KIR3DL2: variants seen among roughly 807,000 people sequenced by gnomAD.
KIR3DL2 encodes the protein killer cell immunoglobulin-like receptor 3DL2.
In KIR3DL2, 42 loss-of-function variants were observed where a neutral mutation model predicts 41.6. The ratio of observed to expected loss-of-function variants is 1.01; its 90% CI spans 0.79 to 1.31. The LOEUF (loss-of-function observed/expected upper bound fraction) is 1.31. Among genes scored for constraint, KIR3DL2 ranks in the 50% most tolerant of loss-of-function variants. The pLI is 0.00. For synonymous variants in KIR3DL2, 230 were observed against 221.3 expected (o/e 1.04, Z -0.35); for missense variants, 728 against 576.8 (o/e 1.26, Z -2.68).
chr19:54,851,877 C>A lies in KIR3DL2; in HGVS notation c.71-121C>A, dbSNP rs2064273742. ...TATGTGGGGTGGGTCCTTCCTGTAG[C>A]CCTGGGCACCCAGGTGTGGTAGGAG... On this transcript the variant is annotated intron_variant, in intron 2 of 8. Transcript: ENST00000326321. 3 of 1,252,414 alleles carry A rather than the reference C, an allele frequency of 2.4e-6. No homozygotes were observed. The African/African-American group carries it at 4.6e-5, about 19-fold the overall frequency. The allele number at this position is 1,252,414 out of a possible 1,614,324, so 77.6% of individuals were successfully genotyped here. A position where few individuals can be genotyped will look rare whatever the true frequency, so the allele number is the denominator to read the frequency against.
In KIR3DL2 at chr19:54,866,574, G is replaced by A. The variant is rs376823830; in HGVS notation, c.1211G>A (p.Cys404Tyr). ...QEVTYAQLDH[C>Y]VFIQRKISRP... is the part of the protein sequence containing the mutation. Reference sequence around the variant, plus strand: ...GTGACGTACGCACAGTTGGATCACTGCGTTTTCATACAGAGAAAAATCAGT... The same window carrying A: ...GTGACGTACGCACAGTTGGATCACTACGTTTTCATACAGAGAAAAATCAGT... Residue 404 changes from cysteine to tyrosine, a missense_variant, in exon 9 of 9, where the codon TGC becomes TAC. Cys to Tyr is a radical substitution (Grantham distance 194). Transcript: ENST00000326321. The A allele has an allele frequency of 1.4e-4, 223 of 1,614,006 alleles. 1 individual carries two copies. In the South Asian group the frequency reaches 2.3e-3, roughly 17 times the overall value.
At chr19:54,866,247 TG>T (rs2065504788) in intron 7 of KIR3DL2, 122 bp from the exon 8 acceptor site, 5 of 936,254 alleles carry the variant, frequency 5.3e-6, no homozygotes, top group Admixed American at 2.2e-5. Context: ...TGTCTGAGTC[TG>T]GATGTTGGCA....
At chr19:54,860,402 G>A (rs1467469093) in intron 6 of KIR3DL2, among the ~76,000 whole-genome samples, 12 of 152,002 alleles carry the variant, frequency 7.9e-5, no homozygotes, top group Admixed American at 1.3e-4. Context: ...ACGGAGCCTT[G>A]CTCTGTCGTC....
At chr19:54,851,315 C>T (rs1353246480) in intron 2 of KIR3DL2, 60 bp downstream of exon 2, 22 of 1,563,862 alleles carry the variant, frequency 1.4e-5, no homozygotes, top group Middle Eastern at 1.9e-4. Flanking sequence ...TTTTCTGAAA[C>T]AGGAGGGAAG....
Position 54,855,930 on chromosome 19 carries a change from C to T in KIR3DL2, c.949+18C>T. ...TGTCACAGGTGAGGAAAACCCGTGT[C>T]TGTCCCATGTCTTATGATCCTAGAG... On this transcript the variant is annotated intron_variant, in intron 5 of 8. Coordinates refer to ENST00000326321, the MANE Select transcript of KIR3DL2 (RefSeq NM_006737.4). The T allele has an allele frequency of 6.2e-7, 1 of 1,612,894 alleles. No homozygotes were observed. Among genetic ancestry groups the T allele is most frequent in the Non-Finnish European group, 8.5e-7 (1 of 1,179,540 alleles).
At chr19:54,861,960 T>TA (rs1310736841) in intron 6 of KIR3DL2, among the ~76,000 whole-genome samples, 3 of 152,038 alleles carry the variant, frequency 2.0e-5, no homozygotes, top group Admixed American at 6.5e-5. Context: ...CCTGTGGAGA[T>TA]ACAGATAGAT....
intron 6 of KIR3DL2, among the ~76,000 whole-genome samples, chr19:54,860,466 G>A (rs1391435370): frequency 6.6e-6 from 1 of 151,978 alleles, no homozygotes; most frequent in Non-Finnish European, 1.5e-5. Context: ...CACCTCCTGG[G>A]CTGAACTGAT....
rs2064303486 is a variant in KIR3DL2 at position 54,852,077 on chromosome 19, C to T, written c.150C>T (p.His50=). 8.7e-6 allele frequency: 14 copies of T among 1,612,740 alleles called. 1 individual carries two copies. In the Admixed American group the frequency reaches 2.0e-4, roughly 23 times the overall value. ...PRGGHVALQC[H]YRRGFNNFML... Reference sequence around the variant, plus strand: ...GAGGACACGTGGCTCTTCAGTGTCACTATCGTCGTGGGTTTAACAATTTCA... The same window carrying T: ...GAGGACACGTGGCTCTTCAGTGTCATTATCGTCGTGGGTTTAACAATTTCA... Residue 50 remains histidine (H), a synonymous_variant, in exon 3 of 9, where the codon CAC becomes CAT. Coordinates refer to ENST00000326321, the MANE Select transcript of KIR3DL2 (RefSeq NM_006737.4).
At position 54,865,867 on chromosome 19, in the gene KIR3DL2, C is replaced by T; in HGVS notation, c.1063C>T (p.Leu355Phe). 1.2e-6 allele frequency: 2 copies of T among 1,613,816 alleles called. No individual in the cohort carries two copies. The highest frequency in any genetic ancestry group is 1.7e-6 in the Non-Finnish European group (2 of 1,179,844). The change falls in exon 7 of 9, where the codon CTC (leucine) becomes TTC (phenylalanine). Residue 355 changes from leucine (L) to phenylalanine (F), a missense_variant. By Grantham distance (22) the Leu-to-Phe change is conservative. Transcript: ENST00000326321. Reference protein sequence around the residue: ...TSVVIFLFILLLFFLLYRWCS... With the variant: ...TSVVIFLFILFLFFLLYRWCS... Reference sequence around the variant, plus strand: ...AGTGGTCATCTTCCTCTTCATCCTCCTCCTCTTCTTTCTCCTTTATCGCTG... The same window carrying T: ...AGTGGTCATCTTCCTCTTCATCCTCTTCCTCTTCTTTCTCCTTTATCGCTG...
intron 3 of KIR3DL2, among the ~76,000 whole-genome samples, 199 bp from the exon 4 acceptor site, chr19:54,853,548 T>G (rs1440150578): frequency 1.3e-5 from 2 of 151,336 alleles, no homozygotes; most frequent in Non-Finnish European, 2.9e-5. Context: ...CAGGGGCTAC[T>G]GGAGACAGAG....
chr19:54,857,359 G>A (rs1017742028), intron 5 of KIR3DL2, among the ~76,000 whole-genome samples: 4 of 151,334 alleles, frequency 2.6e-5, no homozygotes, highest in African/African-American at 9.8e-5. Context: ...CCAAAGTGCT[G>A]AAGTTACAGG....
At position 54,865,889 on chromosome 19, in the gene KIR3DL2, G is replaced by T; in HGVS notation, c.1085G>T (p.Arg362Leu). 1 of 1,612,876 alleles carries T rather than the reference G, an allele frequency of 6.2e-7. No homozygotes were observed. Among genetic ancestry groups the T allele is most frequent in the Admixed American group, 1.7e-5 (1 of 59,988 alleles). Residue 362 changes from arginine to leucine, a missense_variant, in exon 7 of 9, where the codon CGC becomes CTC. Coordinates refer to ENST00000326321, the MANE Select transcript of KIR3DL2 (RefSeq NM_006737.4). ...CTCCTCCTCTTCTTTCTCCTTTATC[G>T]CTGGTGCTCCAACAAAAAGAGTAAG... ...FILLLFFLLY[R>L]WCSNKKNAAV...
At position 54,855,763 on chromosome 19, in the gene KIR3DL2, G is replaced by A. The variant is rs991528567; in HGVS notation, c.800G>A (p.Arg267His). 3.5e-5 allele frequency: 57 copies of A among 1,612,156 alleles called. No homozygotes were observed. Among genetic ancestry groups the A allele is most frequent in the Admixed American group, 1.2e-4 (7 of 59,954 alleles). ...GGGGAGGCCCATGAACGTAGGCTCC[G>A]TGCAGTGCCCAAGGTCAACAGAACA... ...REGEAHERRL[R>H]AVPKVNRTFQ... Residue 267 changes from arginine (R) to histidine (H), a missense_variant, in exon 5 of 9, where the codon CGT becomes CAT. By Grantham distance (29) the Arg-to-His change is conservative. Transcript: ENST00000326321.
intron 6 of KIR3DL2, among the ~76,000 whole-genome samples, chr19:54,859,559 C>A (rs35723337): frequency 0.035 from 5,348 of 151,542 alleles, 302 homozygotes; most frequent in African/African-American, 0.12. Context: ...CTCAGCAGAG[C>A]AAGAGCCTTG....
intron 6 of KIR3DL2, among the ~76,000 whole-genome samples, chr19:54,862,982 T>TCTC (rs2065282589): frequency 6.9e-6 from 1 of 145,256 alleles, no homozygotes; most frequent in African/African-American, 2.5e-5. Flanking sequence ...ATTAGGTATA[T>TCTC]CTCCTAATGC....
At position 54,866,760 on chromosome 19, in the gene KIR3DL2, G is replaced by A. The variant is rs200586393; in HGVS notation, c.*29G>A. ...GACAACAGCCCTGTCTCAAAACCAG[G>A]TTGCCAGATCCAATGAACCAGCAGC... On this transcript the variant is annotated 3_prime_UTR_variant, in exon 9 of 9. Transcript: ENST00000326321. 2 of 1,609,772 alleles carry A rather than the reference G, an allele frequency of 1.2e-6. No homozygotes were observed. The highest frequency in any genetic ancestry group is 1.7e-5 in the Admixed American group (1 of 59,296).
intron 2 of KIR3DL2, 143 bp downstream of exon 2, chr19:54,851,398 C>T: frequency 1.2e-6 from 1 of 839,170 alleles, no homozygotes; most frequent in Non-Finnish European, 1.8e-6. Flanking sequence ...CTGACCTCGC[C>T]CTCCCTGGCC....
chr19:54,853,081 G>T (rs1372899583), intron 3 of KIR3DL2, among the ~76,000 whole-genome samples: 1 of 151,256 alleles, frequency 6.6e-6, no homozygotes, highest in Non-Finnish European at 1.5e-5. Context: ...CTGCACTCCA[G>T]CCTGGGTGAA....
chr19:54,862,695 A>G (rs2065256249), intron 6 of KIR3DL2, among the ~76,000 whole-genome samples: 1 of 151,208 alleles, frequency 6.6e-6, no homozygotes, highest in Non-Finnish European at 1.5e-5. Context: ...TCCAGGAAGA[A>G]CAGGAAGACA....
Sources: allele counts gnomAD v4.1 joint callset (sites outside exome capture counted in the v4.1 genomes callset), GRCh38; gene constraint gnomAD v4.1.1; transcripts MANE v1.5; gene names NCBI Gene and HGNC (gene_info 2026-07-23, HGNC 2026-07-21).